Variants in AP4E1 observed in about 807,000 individuals in gnomAD.
AP4E1 encodes the protein AP-4 complex subunit epsilon-1.
In AP4E1, 56 loss-of-function variants were observed where a neutral mutation model predicts 128.2. The observed-to-expected ratio is 0.44, with a 90% CI of 0.35 to 0.55. AP4E1 has a LOEUF of 0.55. Ranked by LOEUF, AP4E1 falls within the 20% of genes least tolerant of loss-of-function variation. The pLI, the probability that AP4E1 is intolerant of heterozygous loss-of-function variation, is 0.00. For missense variants in AP4E1, 1,324 were observed against 1,307.7 expected (o/e 1.01, Z -0.19); for synonymous variants, 484 against 473.1 (o/e 1.02, Z -0.30).
At chr15:50,908,562 T>C, upstream of AP4E1, 1 of 516,006 alleles carries the variant, frequency 1.9e-6, no homozygotes, top group South Asian at 4.0e-5. Context: ...GCGCGCAATC[T>C]CGAGCGAGCG....
intron 15 of AP4E1, among the ~76,000 whole-genome samples, chr15:50,983,197 C>T (rs1262718747): frequency 6.6e-6 from 1 of 152,192 alleles, no homozygotes; most frequent in Non-Finnish European, 1.5e-5. Context: ...ACCTTTCTTG[C>T]TGTTCTGGCA....
In AP4E1 at chr15:50,929,096, T is replaced by G; in HGVS notation, c.630T>G (p.Phe210Leu). The change falls in exon 6 of 21, where the codon TTT becomes TTG. Residue 210 changes from phenylalanine (F) to leucine (L), a missense_variant. Transcript: ENST00000261842. ...PNQVQHIHIK[F>L]RKALCDRDVG... is the part of the protein sequence containing the mutation. ...AAGTACAACATATTCATATTAAGTT[T>G]CGGAAAGCACTTTGTGACAGAGATG... 6.2e-7 allele frequency: 1 copy of G among 1,613,960 alleles called. No individual in the cohort carries two copies. The highest frequency in any genetic ancestry group is 8.5e-7 in the Non-Finnish European group (1 of 1,179,924).
intron 15 of AP4E1, among the ~76,000 whole-genome samples, chr15:50,983,296 A>T (rs1023312313): frequency 3.9e-5 from 6 of 152,186 alleles, no homozygotes; most frequent in African/African-American, 1.4e-4. Flanking sequence ...AGAAAGGGGG[A>T]GAAGAAAGAT....
rs138453926 is a variant in AP4E1, at chr15:50,956,942, G to C, written c.1549-1550G>C. Reference sequence around the variant, plus strand: ...CGGGAGGGTGAGCATGCAGGTGAGCGGGTGCAGGAGCCAGAGTGAGTCGCT... The same window carrying C: ...CGGGAGGGTGAGCATGCAGGTGAGCCGGTGCAGGAGCCAGAGTGAGTCGCT... On this transcript the variant is annotated intron_variant, in intron 13 of 20. Coordinates refer to ENST00000261842, the MANE Select transcript of AP4E1 (RefSeq NM_007347.5). Among the ~76,000 whole-genome samples, 299 of 152,266 alleles carry C rather than the reference G, an allele frequency of 2.0e-3. 2 individuals carry two copies. Among genetic ancestry groups the C allele is most frequent in the African/African-American group, 7.0e-3 (290 of 41,556 alleles).
chr15:50,987,724 G>C (rs973556557), intron 16 of AP4E1, among the ~76,000 whole-genome samples: 1 of 151,886 alleles, frequency 6.6e-6, no homozygotes, highest in African/African-American at 2.4e-5. Context: ...CTTCCAACTA[G>C]GTTTTCACAT....
Position 51,002,744 on chromosome 15 carries a change from G to C in AP4E1, c.*82G>C, listed in dbSNP as rs1372317833. 1.3e-6 allele frequency: 2 copies of C among 1,507,334 alleles called. No homozygotes were observed. 93.4% of individuals were successfully genotyped at this position (1,507,334 alleles called of 1,614,324 possible). Reference sequence around the variant, plus strand: ...ATTTACCAAAGTAAAAAGAACTCATGGTACTTCTAATGAAAATGGGGATTA... The same window carrying C: ...ATTTACCAAAGTAAAAAGAACTCATCGTACTTCTAATGAAAATGGGGATTA... On this transcript the variant is annotated 3_prime_UTR_variant, in exon 21 of 21. Transcript: ENST00000261842.
chr15:50,914,480 A>G (rs2063603976), intron 2 of AP4E1, among the ~76,000 whole-genome samples: 1 of 151,946 alleles, frequency 6.6e-6, no homozygotes, highest in South Asian at 2.1e-4. Context: ...GTGAAACCCC[A>G]TCTCTACTAA....
Position 50,982,744 on chromosome 15 carries a change from C to G in AP4E1, c.1967-1278C>G, listed in dbSNP as rs569787100. On this transcript the variant is annotated intron_variant, in intron 15 of 20. Coordinates refer to ENST00000261842, the MANE Select transcript of AP4E1 (RefSeq NM_007347.5). Reference sequence around the variant, plus strand: ...TCTTCTGTATCATTTATTTAGGTAACTAGCAAGCATTTATTTAGCATTCTT... The same window carrying G: ...TCTTCTGTATCATTTATTTAGGTAAGTAGCAAGCATTTATTTAGCATTCTT... Among the ~76,000 whole-genome samples, 11 of 152,210 alleles carry G rather than the reference C, an allele frequency of 7.2e-5. 1 individual carries two copies. The South Asian group carries it at 2.3e-3, about 32-fold the overall frequency.
chr15:51,000,930 A>G (rs2064953519), intron 19 of AP4E1, 96 bp from the exon 20 acceptor site: 11 of 1,026,520 alleles, frequency 1.1e-5, no homozygotes, highest in East Asian at 4.8e-5. Context: ...CAGATTTACA[A>G]TGATTATGTT....
intron 13 of AP4E1, among the ~76,000 whole-genome samples, chr15:50,957,560 G>A (rs2064242632): frequency 6.6e-6 from 1 of 152,008 alleles, no homozygotes; most frequent in South Asian, 2.1e-4. Flanking sequence ...GGCTTCTCCA[G>A]GGACCCCACC....
intron 7 of AP4E1, among the ~76,000 whole-genome samples, chr15:50,931,730 A>G (rs1446310064): frequency 6.6e-6 from 1 of 152,138 alleles, no homozygotes; most frequent in Non-Finnish European, 1.5e-5. Context: ...TCGGCACATC[A>G]TGAAGTATTA....
chr15:51,000,885 C>T (rs2064952841), intron 19 of AP4E1, 141 bp from the exon 20 acceptor site: 3 of 653,022 alleles, frequency 4.6e-6, no homozygotes, highest in Admixed American at 2.8e-5. Context: ...CCATTTTTAG[C>T]ATATTTGGTT....
chr15:50,958,360 AT>A (rs1567236377), intron 13 of AP4E1, 131 bp from the exon 14 acceptor site: 1 of 740,458 alleles, frequency 1.4e-6, no homozygotes. Flanking sequence ...ATCTTTAATA[AT>A]TTTTTCACCA....
At chr15:50,953,156 T>C (rs2064173890) in intron 13 of AP4E1, among the ~76,000 whole-genome samples, 1 of 152,270 alleles carries the variant, frequency 6.6e-6, no homozygotes, top group African/African-American at 2.4e-5. Flanking sequence ...TCTATGAGGC[T>C]GTGCAAATAT....
chr15:50,936,886 G>C (rs1343529764), intron 8 of AP4E1, among the ~76,000 whole-genome samples: 8 of 152,068 alleles, frequency 5.3e-5, no homozygotes, highest in Non-Finnish European at 1.2e-4. Context: ...GTTACAGTGA[G>C]CCAAGATCAT....
rs143458944 is a variant in AP4E1, at chr15:50,978,124, G to C, written c.1967-5898G>C. On this transcript the variant is annotated intron_variant, in intron 15 of 20. Coordinates refer to ENST00000261842, the MANE Select transcript of AP4E1 (RefSeq NM_007347.5). ...TAGGTAGAAAAATGAATAAACTTCA[G>C]GAAAATATCATGGGATACTAAGAAT... Among the ~76,000 whole-genome samples, 17 of 152,206 alleles carry C rather than the reference G, an allele frequency of 1.1e-4. No individual in the cohort carries two copies. The East Asian group carries it at 3.3e-3, about 29-fold the overall frequency.
chr15:50,925,370 T>C (rs1190260719), intron 5 of AP4E1, 151 bp downstream of exon 5: 1 of 854,260 alleles, frequency 1.2e-6, no homozygotes, highest in Non-Finnish European at 1.8e-6. Flanking sequence ...ATCATCTTTA[T>C]TTTTATGTGG....
At chr15:50,965,940 C>T (rs1043948319) in intron 14 of AP4E1, among the ~76,000 whole-genome samples, 2 of 151,238 alleles carry the variant, frequency 1.3e-5, no homozygotes, top group African/African-American at 2.4e-5. Flanking sequence ...TTTTTTGAGA[C>T]GGAGTCTCGC....
intron 14 of AP4E1, among the ~76,000 whole-genome samples, chr15:50,966,218 C>A (rs1324885373): frequency 6.6e-6 from 1 of 152,114 alleles, no homozygotes; most frequent in African/African-American, 2.4e-5. Context: ...CGCACCTGGT[C>A]TAGAAAACTT....
Sources: gnomAD v4.1 joint callset for allele counts (sites outside exome capture counted in the v4.1 genomes callset) on GRCh38, gnomAD v4.1.1 for gene constraint, MANE v1.5 for transcripts, NCBI Gene and HGNC (gene_info 2026-07-23, HGNC 2026-07-21) for gene names.